Variants in RNF212B observed in about 807,000 individuals in gnomAD.
RNF212B encodes E3 ubiquitin-protein ligase RNF212B.
Under a neutral mutation model 55.5 loss-of-function variants are expected in RNF212B, and 52 were observed. That is an observed-to-expected ratio of 0.94 (90% confidence interval 0.75 to 1.18). The LOEUF is 1.18. RNF212B is among the 50% of genes most tolerant of loss of function. RNF212B has a pLI of 0.00. For missense variants in RNF212B, 289 were observed against 350.4 expected, an observed-to-expected ratio of 0.82 and a Z score of 1.40; for synonymous variants, 99 against 121.4, an observed-to-expected ratio of 0.82 and a Z score of 1.21.
At chr14:23,190,782 G>A (rs75940808) in intron 1 of RNF212B, among the ~76,000 whole-genome samples, 6,489 of 152,194 alleles carry the variant, frequency 0.043, 181 homozygotes, top group Non-Finnish European at 0.061. Flanking sequence ...ACCCTCCAAC[G>A]CTGCCTGTCA....
At chr14:23,223,785 G>T (rs908031149) in intron 2 of RNF212B, among the ~76,000 whole-genome samples, 1 of 152,130 alleles carries the variant, frequency 6.6e-6, no homozygotes, top group Non-Finnish European at 1.5e-5. Flanking sequence ...AAATTGGAAA[G>T]GAAAAGGTCA....
chr14:23,216,533 G>A (rs1238203658), intron 2 of RNF212B, among the ~76,000 whole-genome samples: 18 of 150,582 alleles, frequency 1.2e-4, no homozygotes, highest in Admixed American at 7.3e-4. Flanking sequence ...AAACATGACC[G>A]AGCACAATTT....
Position 23,229,223 on chromosome 14 carries a change from TATATATATA to T in RNF212B, c.-1-11121_-1-11113del, listed in dbSNP as rs1882319593. Among the ~76,000 whole-genome samples the T allele has an allele frequency of 3.0e-4, 23 of 75,516 alleles. 1 individual carries two copies. Among genetic ancestry groups the T allele is most frequent in the African/African-American group, 6.5e-4 (8 of 12,382 alleles). The allele number at this position is 75,516 out of a possible 152,430, so 49.5% of individuals were successfully genotyped here. A position where few individuals can be genotyped will look rare whatever the true frequency, so the allele number is the denominator to read the frequency against. On this transcript the variant is annotated intron_variant, in intron 2 of 15. Transcript: ENST00000399910. The stretch of plus-strand genomic sequence containing the variant: ...TCCTTTATGGCTGAATAATATTTTA[TATATATATA>T]TATATATATATATATATATATATAT...
At chr14:23,258,693 CT>C (rs10547691) in intron 5 of RNF212B, 29 bp downstream of exon 5, 47,762 of 584,198 alleles carry the variant, frequency 0.082, 9 homozygotes, top group East Asian at 0.12. Flanking sequence ...CCCAAGAGAG[CT>C]TTTTTTTTTT....
chr14:23,238,771 A>ATCATC (rs774466922), intron 1 of RNF212B, among the ~76,000 whole-genome samples: 73 of 112,026 alleles, frequency 6.5e-4, no homozygotes, highest in East Asian at 2.0e-3. Context: ...TAATAATAAT[A>ATCATC]ATAATAATAA....
At chr14:23,199,255 G>A (rs570050557) in intron 2 of RNF212B, among the ~76,000 whole-genome samples, 4 of 152,318 alleles carry the variant, frequency 2.6e-5, no homozygotes, top group African/African-American at 9.6e-5. Flanking sequence ...ATATATGTAA[G>A]AAGTACATTG....
At chr14:23,269,751 G>T in intron 12 of RNF212B, 112 bp from the exon 13 acceptor site, 1 of 629,176 alleles carries the variant, frequency 1.6e-6, no homozygotes, top group South Asian at 1.9e-5. Flanking sequence ...GTTGCAAGCA[G>T]GGAATTTTTT....
intron 2 of RNF212B, among the ~76,000 whole-genome samples, chr14:23,194,183 T>C (rs1044142454): frequency 5.3e-5 from 8 of 151,886 alleles, no homozygotes; most frequent in Admixed American, 2.0e-4. Flanking sequence ...AAGAGGAAAA[T>C]AGGTAGCAGA....
At chr14:23,255,807 A>G (rs999242612) in intron 4 of RNF212B, among the ~76,000 whole-genome samples, 27 of 152,222 alleles carry the variant, frequency 1.8e-4, no homozygotes, top group Non-Finnish European at 2.6e-4. Context: ...GATTTGAAAG[A>G]TTGCTAACTA....
At chr14:23,203,605 A>G (rs550794568) in intron 2 of RNF212B, among the ~76,000 whole-genome samples, 1 of 151,850 alleles carries the variant, frequency 6.6e-6, no homozygotes, top group South Asian at 2.1e-4. Flanking sequence ...CAGCCTCTCA[A>G]GTAGCTGAGA....
chr14:23,252,223 T>C (rs1884469283), intron 4 of RNF212B, among the ~76,000 whole-genome samples: 1 of 151,692 alleles, frequency 6.6e-6, no homozygotes, highest in Non-Finnish European at 1.5e-5. Flanking sequence ...TCAGGTATGG[T>C]TGAAAGGAGC....
intron 1 of RNF212B, among the ~76,000 whole-genome samples, chr14:23,239,641 C>T (rs908789207): frequency 6.0e-5 from 9 of 150,198 alleles, no homozygotes; most frequent in South Asian, 2.1e-4. Context: ...TTTTTTGAGA[C>T]GGAGTCTGGC....
chr14:23,242,169 C>A lies in RNF212B; in HGVS notation c.101-1087C>A, dbSNP rs565077718. Reference sequence around the variant, plus strand: ...GAGAAAGAACAGTCAAGTTAAGTAGCCTCAGGGGAAGGTTTTTTCTCTGTA... The same window carrying A: ...GAGAAAGAACAGTCAAGTTAAGTAGACTCAGGGGAAGGTTTTTTCTCTGTA... On this transcript the variant is annotated intron_variant, in intron 2 of 14. Coordinates refer to ENST00000430154, the MANE Select transcript of RNF212B (RefSeq NM_001282322.3). Among the ~76,000 whole-genome samples, 9 of 148,598 alleles carry A rather than the reference C, an allele frequency of 6.1e-5. No individual in the cohort carries two copies. The East Asian group carries it at 9.9e-4, about 16-fold the overall frequency.
At chr14:23,270,717 G>C (rs1250335890) in intron 14 of RNF212B, 56 bp downstream of exon 14, 1 of 1,193,042 alleles carries the variant, frequency 8.4e-7, no homozygotes, top group African/African-American at 1.5e-5. Flanking sequence ...GGTTAGGCCT[G>C]CACACTAAAT....
chr14:23,271,112 T>C (rs1401079900), intron 14 of RNF212B, among the ~76,000 whole-genome samples: 1 of 152,098 alleles, frequency 6.6e-6, no homozygotes, highest in Non-Finnish European at 1.5e-5. Flanking sequence ...GTAAAGGGCA[T>C]GGTAACAAGG....
intron 11 of RNF212B, among the ~76,000 whole-genome samples, chr14:23,267,000 G>A (rs905484805): frequency 5.8e-4 from 88 of 152,134 alleles, no homozygotes; most frequent in African/African-American, 2.0e-3. Context: ...ACAGAGTCTC[G>A]TGCTGTTGTT....
chr14:23,191,324 G>C (rs1040810508), intron 1 of RNF212B, among the ~76,000 whole-genome samples: 1 of 149,484 alleles, frequency 6.7e-6, no homozygotes, highest in Non-Finnish European at 1.5e-5. Flanking sequence ...ACTGCACCCT[G>C]GGCGACAAAG....
intron 2 of RNF212B, among the ~76,000 whole-genome samples, 196 bp downstream of exon 2, chr14:23,240,641 T>C (rs139548284): frequency 1.3e-5 from 2 of 152,340 alleles, no homozygotes; most frequent in East Asian, 3.9e-4. Flanking sequence ...ATTTAGCAAA[T>C]GATTTAGCAA....
chr14:23,208,757 G>GTTTTTTGTTTTTTTTTTT (rs1880116695), intron 2 of RNF212B, among the ~76,000 whole-genome samples: 1 of 98,110 alleles, frequency 1.0e-5, no homozygotes, highest in African/African-American at 4.6e-5. Context: ...GCTGGTTGCC[G>GTTTTTTGTTTTTTTTTTT]TTTTTTTTTT....
Sources: allele counts gnomAD v4.1 joint callset (sites outside exome capture counted in the v4.1 genomes callset), GRCh38; gene constraint gnomAD v4.1.1; transcripts MANE v1.5; gene names NCBI Gene and HGNC (gene_info 2026-07-23, HGNC 2026-07-21).